Variants in GRM1 observed in about 807,000 individuals in gnomAD.
GRM1 encodes metabotropic glutamate receptor 1.
Under a neutral mutation model 90.9 loss-of-function variants are expected in GRM1, and 33 were observed. That is an observed-to-expected ratio of 0.36 (90% confidence interval 0.28 to 0.49). GRM1 has a LOEUF of 0.49. GRM1 is among the 20% of genes least tolerant of loss of function. GRM1 has a pLI of 0.99. For synonymous variants in GRM1, 700 were observed against 613.2 expected (o/e 1.14, Z -2.09); for missense variants, 1,190 against 1,534.3 (o/e 0.78, Z 3.75).
At chr6:146,038,706 AT>A (rs926175331) in intron 1 of GRM1, among the ~76,000 whole-genome samples, 1 of 151,814 alleles carries the variant, frequency 6.6e-6, no homozygotes, top group African/African-American at 2.4e-5. Flanking sequence ...AAATCTTTTG[AT>A]TGGACAGCAT....
In GRM1 at chr6:146,352,369, G is replaced by T; in HGVS notation, c.1306G>T (p.Val436Leu). 1 of 1,614,132 alleles carries T rather than the reference G, an allele frequency of 6.2e-7. No homozygotes were observed. The highest frequency in any genetic ancestry group is 1.1e-5 in the South Asian group (1 of 91,082). ...NMHHALCPGH[V>L]GLCDAMKPID... The stretch of plus-strand genomic sequence containing the variant: ...GCACCATGCCCTCTGCCCTGGCCAC[G>T]TGGGCCTCTGCGATGCCATGAAGCC... Residue 436 changes from valine to leucine, a missense_variant, in exon 4 of 8, where the codon GTG (valine) becomes TTG (leucine). This residue lies in a region of GRM1 where 414 missense variants were observed against 598.4 expected (regional missense o/e 0.69). Coordinates refer to ENST00000282753, the MANE Select transcript of GRM1 (RefSeq NM_001278064.2).
At chr6:146,125,858 G>T (rs144825082) in intron 1 of GRM1, among the ~76,000 whole-genome samples, 1 of 151,990 alleles carries the variant, frequency 6.6e-6, no homozygotes, top group South Asian at 2.1e-4. Flanking sequence ...ATGTTTAAAA[G>T]AAATGAAAAT....
chr6:146,289,339 A>C (rs1168612694), intron 2 of GRM1, among the ~76,000 whole-genome samples: 3 of 152,224 alleles, frequency 2.0e-5, no homozygotes, highest in Non-Finnish European at 4.4e-5. Flanking sequence ...AAAAAAGATT[A>C]AAAAGTTTAA....
At chr6:146,043,920 A>G (rs1051930251) in intron 1 of GRM1, among the ~76,000 whole-genome samples, 6 of 151,374 alleles carry the variant, frequency 4.0e-5, no homozygotes, top group African/African-American at 1.5e-4. Flanking sequence ...TGGAAACTGG[A>G]GGTATCTTAC....
chr6:146,213,715 GATAGAT>G (rs1779759909), intron 2 of GRM1, among the ~76,000 whole-genome samples: 1 of 151,986 alleles, frequency 6.6e-6, no homozygotes, highest in Non-Finnish European at 1.5e-5. Context: ...TAGATAGATA[GATAGAT>G]AGATAGATAG....
chr6:146,147,235 T>C (rs1044837977), intron 1 of GRM1, among the ~76,000 whole-genome samples: 1 of 152,048 alleles, frequency 6.6e-6, no homozygotes, highest in African/African-American at 2.4e-5. Context: ...ACTACTGGAG[T>C]CTGAAACATA....
At chr6:146,370,634 T>C (rs1363913305) in intron 5 of GRM1, among the ~76,000 whole-genome samples, 4 of 151,994 alleles carry the variant, frequency 2.6e-5, no homozygotes, top group South Asian at 2.1e-4. Context: ...TAAACAGAAG[T>C]TGATTAATTG....
intron 1 of GRM1, among the ~76,000 whole-genome samples, chr6:146,071,185 G>C (rs1164768797): frequency 6.6e-6 from 1 of 152,138 alleles, no homozygotes; most frequent in Non-Finnish European, 1.5e-5. Context: ...GGTCACTTAA[G>C]TATAGTCTTT....
At chr6:146,297,451 C>T (rs989875848) in intron 2 of GRM1, among the ~76,000 whole-genome samples, 2 of 152,112 alleles carry the variant, frequency 1.3e-5, no homozygotes, top group Non-Finnish European at 2.9e-5. Flanking sequence ...TGAGCCACCA[C>T]GCCCAGCCAA....
intron 1 of GRM1, among the ~76,000 whole-genome samples, chr6:146,036,559 A>G (rs901444079): frequency 1.3e-5 from 2 of 151,968 alleles, no homozygotes; most frequent in Non-Finnish European, 2.9e-5. Flanking sequence ...TATAATTTTA[A>G]TTACCTTCTG....
intron 5 of GRM1, among the ~76,000 whole-genome samples, chr6:146,370,565 TC>T (rs2115091487): frequency 6.6e-6 from 1 of 152,202 alleles, no homozygotes; most frequent in East Asian, 1.9e-4. Context: ...ACTTCAATAA[TC>T]GGGTCTTTCC....
At chr6:146,210,150 T>C (rs1352755265) in intron 2 of GRM1, among the ~76,000 whole-genome samples, 1 of 152,160 alleles carries the variant, frequency 6.6e-6, no homozygotes, top group African/African-American at 2.4e-5. Context: ...CTCAGCAGAT[T>C]GAGTTGCAAT....
rs535737599 is a variant in GRM1, at chr6:146,328,746, C to A, written c.1187-23504C>A. Among the ~76,000 whole-genome samples the A allele has an allele frequency of 2.6e-5, 4 of 152,216 alleles. No individual in the cohort carries two copies. In the South Asian group the frequency reaches 8.3e-4, roughly 32 times the overall value. On this transcript the variant is annotated intron_variant, in intron 3 of 7. Transcript: ENST00000282753. ...GTATTTCTTTCTGTTCTTTTGAATT[C>A]TTCACCTTTCCAGTTGTCAGATCTA...
chr6:146,276,731 T>C (rs1292712800), intron 2 of GRM1, among the ~76,000 whole-genome samples: 1 of 152,200 alleles, frequency 6.6e-6, no homozygotes, highest in African/African-American at 2.4e-5. Flanking sequence ...TAAAATAGTC[T>C]AATAATTACT....
intron 2 of GRM1, among the ~76,000 whole-genome samples, chr6:146,226,855 T>TC (rs1261029185): frequency 6.6e-6 from 1 of 152,118 alleles, no homozygotes; most frequent in Non-Finnish European, 1.5e-5. Context: ...TTTCACTCAC[T>TC]CCCCATGCTC....
chr6:146,184,357 C>T (rs1778648497), intron 2 of GRM1, among the ~76,000 whole-genome samples: 1 of 152,114 alleles, frequency 6.6e-6, no homozygotes, highest in Non-Finnish European at 1.5e-5. Flanking sequence ...AAACTCACTG[C>T]CTTCTGAGAC....
At chr6:146,407,594 C>T (rs1777391542) in intron 7 of GRM1, among the ~76,000 whole-genome samples, 1 of 152,024 alleles carries the variant, frequency 6.6e-6, no homozygotes, top group Admixed American at 6.6e-5. Flanking sequence ...AAACTGAATC[C>T]ATAAATATTC....
intron 2 of GRM1, among the ~76,000 whole-genome samples, chr6:146,177,386 G>A (rs535706622): frequency 1.3e-5 from 2 of 152,154 alleles, no homozygotes; most frequent in African/African-American, 2.4e-5. Flanking sequence ...GTTTGTACAA[G>A]TTAAGTTTCA....
intron 1 of GRM1, among the ~76,000 whole-genome samples, chr6:146,130,216 G>A (rs1331262617): frequency 4.0e-5 from 6 of 151,346 alleles, no homozygotes; most frequent in Non-Finnish European, 8.8e-5. Flanking sequence ...TCTAGATTTA[G>A]TTTTCTCTTT....
Sources: gnomAD v4.1 joint callset for allele counts (sites outside exome capture counted in the v4.1 genomes callset) on GRCh38, gnomAD v4.1.1 for gene constraint, gnomAD v4.1.1 regional missense constraint, MANE v1.5 for transcripts, NCBI Gene and HGNC (gene_info 2026-07-23, HGNC 2026-07-21) for gene names.